Variants in SPRED2 observed in about 807,000 individuals in gnomAD.
The protein encoded by SPRED2 is sprouty-related, EVH1 domain-containing protein 2.
In SPRED2, 47 loss-of-function variants were observed where a neutral mutation model predicts 43.0. The observed-to-expected ratio is 1.09, with a 90% CI of 0.87 to 1.40. SPRED2 has a LOEUF of 1.40. Ranked by LOEUF, SPRED2 falls within the 40% of genes most tolerant of loss-of-function variation. SPRED2 has a pLI of 0.00. For synonymous variants in SPRED2, 225 were observed against 225.7 expected, an observed-to-expected ratio of 1.00 and a Z score of 0.03; for missense variants, 561 against 586.4, an observed-to-expected ratio of 0.96 and a Z score of 0.45.
rs183862357 is a variant in SPRED2, at chr2:65,425,670, G to A, written c.26+6292C>T. ...ATATAAAAAATATATTTTGTTCCAC[G>A]GGGCACTGGAGCATCAATACAAAAT... On this transcript the variant is annotated intron_variant, in intron 1 of 5. Transcript: ENST00000356388. Among the ~76,000 whole-genome samples the A allele has an allele frequency of 1.1e-3, 164 of 152,222 alleles. 1 individual carries two copies. Among genetic ancestry groups the A allele is most frequent in the Admixed American group, 2.2e-3 (34 of 15,282 alleles).
rs189489672 is a variant in SPRED2, at chr2:65,417,411, T to C, written c.26+14551A>G. Among the ~76,000 whole-genome samples, 207 of 152,176 alleles carry C rather than the reference T, an allele frequency of 1.4e-3. 3 individuals are homozygous for C. Among genetic ancestry groups the C allele is most frequent in the Admixed American group, 0.012 (183 of 15,292 alleles). On this transcript the variant is annotated intron_variant, in intron 1 of 5. Coordinates refer to ENST00000356388, the MANE Select transcript of SPRED2 (RefSeq NM_181784.3). ...TGCTCCTGTACCTGGAACACAGACATGCGGAAACCAAAGCTTAAGACCCCT... is the reference window on the plus strand; with the variant it reads ...TGCTCCTGTACCTGGAACACAGACACGCGGAAACCAAAGCTTAAGACCCCT...
chr2:65,370,283 T>G (rs529916411), intron 1 of SPRED2, among the ~76,000 whole-genome samples: 9 of 152,114 alleles, frequency 5.9e-5, no homozygotes, highest in Non-Finnish European at 1.3e-4. Context: ...GTACTTAGCA[T>G]AGAGCCTGGC....
rs755236208 is a variant in SPRED2 at position 65,313,590 on chromosome 2, A to T, written c.1168T>A (p.Cys390Ser). ...ALIALSFLAP[C>S]MCCYLPLRAC... is the part of the protein sequence containing the mutation. ...CGAAGGGGCAGGTAACAGCACATAC[A>T]GGGGGCCAGGAAAGACAAGGCAATA... Residue 390 changes from cysteine to serine, a missense_variant, in exon 6 of 6, where the codon TGT becomes AGT. Physicochemically the swap from Cys to Ser is moderately radical, Grantham distance 112 (BLOSUM62 -1). Transcript: ENST00000356388. 4.3e-6 allele frequency: 7 copies of T among 1,614,058 alleles called. No individual in the cohort carries two copies. Among genetic ancestry groups the T allele is most frequent in the African/African-American group, 4.0e-5 (3 of 74,920 alleles).
rs1382607499 is a variant in SPRED2, at chr2:65,312,098, A to G, written c.*1403T>C. Reference sequence around the variant, plus strand: ...ACTCTTCACTTTTCTTCTTTCTTCAATAAGAAGATTTGGCTAATCCTTGCA... The same window carrying G: ...ACTCTTCACTTTTCTTCTTTCTTCAGTAAGAAGATTTGGCTAATCCTTGCA... On this transcript the variant is annotated 3_prime_UTR_variant, in exon 6 of 6. Transcript: ENST00000356388. 5 of 985,324 alleles carry G rather than the reference A, an allele frequency of 5.1e-6. No individual in the cohort carries two copies. The African/African-American group carries it at 8.7e-5, about 17-fold the overall frequency. The allele number at this position is 985,324 out of a possible 1,614,324, so 61.0% of individuals were successfully genotyped here.
At chr2:65,402,833 A>T (rs1368169916) in intron 1 of SPRED2, among the ~76,000 whole-genome samples, 1 of 152,252 alleles carries the variant, frequency 6.6e-6, no homozygotes, top group Admixed American at 6.5e-5. Flanking sequence ...TGGTACAGAC[A>T]TGCAGAAAAT....
intron 1 of SPRED2, among the ~76,000 whole-genome samples, chr2:65,395,686 C>G (rs1389471494): frequency 6.6e-6 from 1 of 152,210 alleles, no homozygotes; most frequent in Non-Finnish European, 1.5e-5. Context: ...CAGCACCTAT[C>G]TCATAGGGCA....
At chr2:65,400,883 G>A (rs964153876) in intron 1 of SPRED2, among the ~76,000 whole-genome samples, 2 of 152,112 alleles carry the variant, frequency 1.3e-5, no homozygotes, top group African/African-American at 4.8e-5. Flanking sequence ...TCACACGCTG[G>A]CCTTCCATCT....
intron 1 of SPRED2, among the ~76,000 whole-genome samples, chr2:65,365,508 C>T (rs570823575): frequency 1.3e-5 from 2 of 152,132 alleles, no homozygotes; most frequent in Non-Finnish European, 2.9e-5. Flanking sequence ...CAAAGATTGC[C>T]GATTTTTCCA....
intron 1 of SPRED2, among the ~76,000 whole-genome samples, chr2:65,415,381 G>C (rs1323923607): frequency 6.6e-6 from 1 of 151,940 alleles, no homozygotes; most frequent in African/African-American, 2.4e-5. Context: ...CTAGGTAAAA[G>C]CATATGATTT....
intron 1 of SPRED2, among the ~76,000 whole-genome samples, chr2:65,414,956 T>A (rs1418098383): frequency 6.6e-6 from 1 of 152,096 alleles, no homozygotes; most frequent in Admixed American, 6.6e-5. Flanking sequence ...CTATCCCGTT[T>A]AAAAAAATTT....
chr2:65,366,226 A>G (rs1368879821), intron 1 of SPRED2, among the ~76,000 whole-genome samples: 1 of 152,182 alleles, frequency 6.6e-6, no homozygotes, highest in African/African-American at 2.4e-5. Flanking sequence ...AAAGCTCTAC[A>G]CTACCCACCC....
chr2:65,341,102 G>GGTGTGT (rs1674168524), intron 2 of SPRED2, among the ~76,000 whole-genome samples: 1 of 55,208 alleles, frequency 1.8e-5, no homozygotes, highest in African/African-American at 7.3e-5. Context: ...ACTGGGTACG[G>GGTGTGT]GCGTGTGTGT....
intron 1 of SPRED2, among the ~76,000 whole-genome samples, chr2:65,381,721 C>A (rs538219792): frequency 6.0e-4 from 91 of 152,202 alleles, no homozygotes; most frequent in Non-Finnish European, 1.0e-3. Context: ...AGCCCTCAGC[C>A]CCGGTCCCTG....
chr2:65,348,445 T>TTA (rs145049210), intron 1 of SPRED2, among the ~76,000 whole-genome samples: 6,734 of 152,220 alleles, frequency 0.044, 521 homozygotes, highest in African/African-American at 0.15. Context: ...GAATGGTGTC[T>TTA]TATATGTAAC....
intron 1 of SPRED2, among the ~76,000 whole-genome samples, chr2:65,387,284 C>T (rs1351378627): frequency 1.3e-5 from 2 of 152,208 alleles, no homozygotes; most frequent in South Asian, 2.1e-4. Flanking sequence ...CTGCCGCTCT[C>T]GCACTTTCTC....
At chr2:65,364,442 C>T (rs1347135947) in intron 1 of SPRED2, among the ~76,000 whole-genome samples, 1 of 152,246 alleles carries the variant, frequency 6.6e-6, no homozygotes, top group African/African-American at 2.4e-5. Context: ...CCTTTTCCCT[C>T]AAAAGGGAAA....
chr2:65,308,170 T>G, downstream of SPRED2: 1 of 364,218 alleles, frequency 2.7e-6, no homozygotes, highest in Non-Finnish European at 3.8e-6. Context: ...GAGGCGTGAC[T>G]TGCAGGAGGC....
chr2:65,330,000 C>T (rs1010124269), intron 4 of SPRED2, among the ~76,000 whole-genome samples: 4 of 152,194 alleles, frequency 2.6e-5, no homozygotes, highest in Non-Finnish European at 5.9e-5. Flanking sequence ...CCTGTGGCTC[C>T]CAGTTCTCAA....
chr2:65,333,585 A>C (rs771286087), intron 3 of SPRED2, among the ~76,000 whole-genome samples: 6 of 152,236 alleles, frequency 3.9e-5, no homozygotes, highest in Non-Finnish European at 7.3e-5. Flanking sequence ...TCTATCAATA[A>C]TATAGGAGCT....
Sources: allele counts gnomAD v4.1 joint callset (sites outside exome capture counted in the v4.1 genomes callset), GRCh38; gene constraint gnomAD v4.1.1; transcripts MANE v1.5; gene names NCBI Gene and HGNC (gene_info 2026-07-23, HGNC 2026-07-21).